The following SORT1 variants were observed in gnomAD, a reference collection of about 807,000 sequenced individuals.
The protein encoded by SORT1 is sortilin 1, also known as sortilin.
A neutral mutation model predicts 101.7 loss-of-function variants in SORT1; 39 were observed. The observed-to-expected ratio is 0.38, with a 90% CI of 0.30 to 0.50. The LOEUF is 0.50. SORT1 is among the 20% of genes least tolerant of loss of function. SORT1 has a pLI of 0.90. For missense variants in SORT1, 878 were observed against 1,040.4 expected (o/e 0.84, Z 2.15); for synonymous variants, 396 against 393.7 (o/e 1.01, Z -0.07).
intron 18 of SORT1, 70 bp from the exon 19 acceptor site, chr1:109,314,454 T>C: frequency 1.3e-6 from 2 of 1,559,920 alleles, no homozygotes; most frequent in South Asian, 1.2e-5. Flanking sequence ...GACTGTGGAC[T>C]TTCTCAGTTT....
intron 14 of SORT1, among the ~76,000 whole-genome samples, chr1:109,323,412 T>C (rs1342700472): frequency 6.6e-6 from 1 of 152,196 alleles, no homozygotes; most frequent in African/African-American, 2.4e-5. Flanking sequence ...TCAAGTTCCT[T>C]CCAAACTAAG....
intron 1 of SORT1, among the ~76,000 whole-genome samples, chr1:109,370,976 T>C (rs1237499449): frequency 1.3e-5 from 2 of 152,246 alleles, no homozygotes; most frequent in East Asian, 1.9e-4. Flanking sequence ...TGAACTGTTT[T>C]GTTTATCTTC....
chr1:109,347,849 T>C (rs1383349075), intron 6 of SORT1, among the ~76,000 whole-genome samples: 1 of 152,178 alleles, frequency 6.6e-6, no homozygotes, highest in Non-Finnish European at 1.5e-5. Flanking sequence ...GCGGAGGTGT[T>C]ATTGGCATCT....
chr1:109,318,930 C>A (rs544077684), intron 15 of SORT1, among the ~76,000 whole-genome samples: 1 of 152,272 alleles, frequency 6.6e-6, no homozygotes, highest in Admixed American at 6.5e-5. Flanking sequence ...CAGGCGTGAA[C>A]CACTGTGCCT....
At chr1:109,350,327 C>T (rs2101596410) in intron 6 of SORT1, among the ~76,000 whole-genome samples, 1 of 152,290 alleles carries the variant, frequency 6.6e-6, no homozygotes, top group African/African-American at 2.4e-5. Flanking sequence ...AAACTAAAGC[C>T]CAGAAAGGTT....
At position 109,327,038 on chromosome 1, in the gene SORT1, T is replaced by A; in HGVS notation, c.1597A>T (p.Ile533Phe). Residue 533 changes from isoleucine (I) to phenylalanine (F), a missense_variant, in exon 13 of 20, where the codon ATC (isoleucine) becomes TTC (phenylalanine). Physicochemically the swap from Ile to Phe is conservative, Grantham distance 21 (BLOSUM62 0). Transcript: ENST00000256637. ...HYYTILDSGGIIVAIEHSSRP... is the reference protein window; with the variant it reads ...HYYTILDSGGFIVAIEHSSRP... ...CTGCTGTGCTCAATGGCCACAATGA[T>A]GCCTCCAGAATCCAGGATGGTGTAA... 1 of 1,612,772 alleles carries A rather than the reference T, an allele frequency of 6.2e-7. No homozygotes were observed. Among genetic ancestry groups the A allele is most frequent in the Non-Finnish European group, 8.5e-7 (1 of 1,179,974 alleles).
In SORT1 at chr1:109,313,990, G is replaced by T; in HGVS notation, c.*53C>A. On this transcript the variant is annotated 3_prime_UTR_variant, in exon 20 of 20. Coordinates refer to ENST00000256637, the MANE Select transcript of SORT1 (RefSeq NM_002959.7). ...TCCTGAAGTTGGAGCCACAGGGAGTGTAAGAGGTACTGTGGTTCCACCATC... is the reference window on the plus strand; with the variant it reads ...TCCTGAAGTTGGAGCCACAGGGAGTTTAAGAGGTACTGTGGTTCCACCATC... The T allele has an allele frequency of 3.8e-6, 6 of 1,565,558 alleles. No individual in the cohort carries two copies. Among genetic ancestry groups the T allele is most frequent in the Non-Finnish European group, 5.3e-6 (6 of 1,136,150 alleles).
chr1:109,346,155 CA>C (rs1403366762), intron 7 of SORT1, among the ~76,000 whole-genome samples: 1 of 151,306 alleles, frequency 6.6e-6, no homozygotes, highest in African/African-American at 2.4e-5. Flanking sequence ...ACTAAAAATA[CA>C]AAAAAATTTA....
intron 9 of SORT1, 122 bp downstream of exon 9, chr1:109,341,892 A>G: frequency 3.2e-6 from 3 of 945,342 alleles, no homozygotes; most frequent in Non-Finnish European, 5.0e-6. Flanking sequence ...TCTAGGACAG[A>G]AAAATCAGTA....
intron 1 of SORT1, among the ~76,000 whole-genome samples, chr1:109,394,048 G>A (rs899080801): frequency 1.3e-5 from 2 of 152,140 alleles, no homozygotes; most frequent in African/African-American, 4.8e-5. Flanking sequence ...CATGGCCAGG[G>A]TTCAAATGCA....
At chr1:109,346,511 C>T (rs189123816) in intron 7 of SORT1, among the ~76,000 whole-genome samples, 96 of 151,386 alleles carry the variant, frequency 6.3e-4, no homozygotes, top group African/African-American at 2.0e-3. Flanking sequence ...TTTGGGAGGC[C>T]GAGCCGGGTG....
intron 1 of SORT1, chr1:109,393,385 G>A (rs1444044947): frequency 1.7e-5 from 14 of 825,376 alleles, no homozygotes; most frequent in Non-Finnish European, 2.0e-5. Flanking sequence ...TTGTCAAATG[G>A]TCTGTACACA....
chr1:109,358,698 A>T (rs1201276902), intron 3 of SORT1, among the ~76,000 whole-genome samples: 1 of 152,084 alleles, frequency 6.6e-6, no homozygotes. Flanking sequence ...TACTAAAAAC[A>T]CAAAAATTAG....
chr1:109,341,146 T>C (rs894248612), intron 9 of SORT1, among the ~76,000 whole-genome samples: 1 of 152,196 alleles, frequency 6.6e-6, no homozygotes, highest in African/African-American at 2.4e-5. Flanking sequence ...AGAAAAACTC[T>C]TCCCAGATAT....
Position 109,336,322 on chromosome 1 carries a change from G to C in SORT1, c.1289C>G (p.Thr430Ser). Residue 430 changes from threonine to serine, a missense_variant, in exon 11 of 20, where the codon ACT (threonine) becomes AGT (serine). Thr to Ser is a moderately conservative substitution (Grantham distance 58). Transcript: ENST00000256637. ...CGTCCACCTTCCTCCTTGGTCAAAAGTGATCATGGTCTGGATAGAATTATC... is the reference window on the plus strand; with the variant it reads ...CGTCCACCTTCCTCCTTGGTCAAAACTGATCATGGTCTGGATAGAATTATC... ...SEDNSIQTMI[T>S]FDQGGRWTHL... 6.2e-7 allele frequency: 1 copy of C among 1,610,618 alleles called. No homozygotes were observed. The highest frequency in any genetic ancestry group is 8.5e-7 in the Non-Finnish European group (1 of 1,176,754).
intron 1 of SORT1, among the ~76,000 whole-genome samples, chr1:109,372,679 G>A (rs1366279645): frequency 6.6e-6 from 1 of 152,130 alleles, no homozygotes; most frequent in Admixed American, 6.5e-5. Context: ...AGTACTTTGG[G>A]AGGCCGAGAC....
At chr1:109,342,746 C>T (rs374028095) in intron 8 of SORT1, among the ~76,000 whole-genome samples, 22 of 152,038 alleles carry the variant, frequency 1.4e-4, no homozygotes, top group East Asian at 7.7e-4. Context: ...CAAGGAGAGT[C>T]GGAAATTACT....
chr1:109,374,916 A>G (rs1047529279), intron 1 of SORT1, among the ~76,000 whole-genome samples: 1 of 152,154 alleles, frequency 6.6e-6, no homozygotes, highest in South Asian at 2.1e-4. Flanking sequence ...CCAAGATTGC[A>G]CGACTGAACT....
chr1:109,384,985 C>T (rs1052221007), intron 1 of SORT1, among the ~76,000 whole-genome samples: 5 of 151,866 alleles, frequency 3.3e-5, no homozygotes, highest in East Asian at 3.9e-4. Flanking sequence ...GGCAGAGGCA[C>T]GAGAATCCCT....
Sources: allele counts gnomAD v4.1 joint callset (sites outside exome capture counted in the v4.1 genomes callset), GRCh38; gene constraint gnomAD v4.1.1; transcripts MANE v1.5; gene names NCBI Gene and HGNC (gene_info 2026-07-23, HGNC 2026-07-21).